The following CLEC10A variants were observed in gnomAD, a reference collection of about 807,000 sequenced individuals.
CLEC10A encodes the protein C-type lectin domain family 10 member A.
In CLEC10A, 38 loss-of-function variants were observed where a neutral mutation model predicts 42.0. The ratio of observed to expected loss-of-function variants is 0.90; its 90% CI spans 0.70 to 1.18. The LOEUF is 1.18. Among genes scored for constraint, CLEC10A ranks in the 50% most tolerant of loss-of-function variants. The pLI is 0.00. For synonymous variants in CLEC10A, 126 were observed against 139.9 expected, an observed-to-expected ratio of 0.90 and a Z score of 0.70; for missense variants, 298 against 345.9, an observed-to-expected ratio of 0.86 and a Z score of 1.10.
rs1471199418 is a variant in CLEC10A, at chr17:7,075,384, C to A, written c.677G>T (p.Gly226Val). Residue 226 changes from glycine to valine, a missense_variant, in exon 8 of 9, where the codon GGA becomes GTA. By Grantham distance (109) the Gly-to-Val change is moderately radical. This residue lies in a region of CLEC10A where 267 missense variants were observed against 289.5 expected (regional missense o/e 0.92). Coordinates refer to ENST00000416562, the MANE Select transcript of CLEC10A (RefSeq NM_001330070.2). ...DPEGAWKWVD[G>V]TDYATGFQNW... Reference sequence around the variant, plus strand: ...CTGGAAGCCGGTCGCATAGTCTGTTCCATCCACCCACTTCCAGGCTCCTTC... The same window carrying A: ...CTGGAAGCCGGTCGCATAGTCTGTTACATCCACCCACTTCCAGGCTCCTTC... The A allele has an allele frequency of 6.6e-7, 1 of 1,520,130 alleles. No individual in the cohort carries two copies. The highest frequency in any genetic ancestry group is 8.8e-7 in the Non-Finnish European group (1 of 1,136,900). 94.2% of individuals were successfully genotyped at this position (1,520,130 alleles called of 1,614,324 possible). A position where few individuals can be genotyped will look rare whatever the true frequency, so the allele number is the denominator to read the frequency against.
intron 3 of CLEC10A, 131 bp downstream of exon 3, chr17:7,077,866 C>T (rs1911936880): frequency 2.8e-6 from 2 of 726,414 alleles, no homozygotes; most frequent in Non-Finnish European, 4.9e-6. Flanking sequence ...ACAGCTGCCC[C>T]CAACACTGTG....
Position 7,079,349 on chromosome 17 carries a change from G to A in CLEC10A, c.-73-464C>T, listed in dbSNP as rs567786046. On this transcript the variant is annotated intron_variant, in intron 1 of 8. Coordinates refer to ENST00000416562, the MANE Select transcript of CLEC10A (RefSeq NM_001330070.2). ...ATAAATCCCAGCACTTTGGGAGACC[G>A]AAGCAGACAGATCACTTTAGGTCAG... Among the ~76,000 whole-genome samples the A allele has an allele frequency of 6.6e-5, 10 of 152,274 alleles. 1 individual carries two copies. The highest frequency in any genetic ancestry group is 2.0e-4 in the Admixed American group (3 of 15,298).
intron 3 of CLEC10A, 47 bp downstream of exon 3, chr17:7,077,950 T>C: frequency 7.0e-7 from 1 of 1,427,148 alleles, no homozygotes. Context: ...TTATTTATCT[T>C]CTACCCCATT....
rs567478503 is a variant in CLEC10A, at chr17:7,076,608, G to C, written c.352+125C>G. The C allele has an allele frequency of 5.5e-6, 6 of 1,100,210 alleles. No individual in the cohort carries two copies. In the South Asian group the frequency reaches 7.5e-5, roughly 14 times the overall value. 68.2% of individuals were successfully genotyped at this position (1,100,210 alleles called of 1,614,324 possible). ...ATTACAGGCGTGAACCACTGCGCCCGGCCTGCATGCTGCCTTTCAAGCTGC... is the reference window on the plus strand; with the variant it reads ...ATTACAGGCGTGAACCACTGCGCCCCGCCTGCATGCTGCCTTTCAAGCTGC... On this transcript the variant is annotated intron_variant, in intron 5 of 8. Transcript: ENST00000416562.
At chr17:7,075,952 A>G (rs1911706173) in intron 6 of CLEC10A, 33 bp downstream of exon 6, 1 of 1,613,112 alleles carries the variant, frequency 6.2e-7, no homozygotes, top group African/African-American at 1.3e-5. Context: ...TGGGCAGAAA[A>G]GTAGGGCCAG....
Position 7,075,083 on chromosome 17 carries a change from G to A in CLEC10A, c.841C>T (p.Leu281=), listed in dbSNP as rs758573050. 1 of 1,592,940 alleles carries A rather than the reference G, an allele frequency of 6.3e-7. No individual in the cohort carries two copies. Among genetic ancestry groups the A allele is most frequent in the Admixed American group, 1.9e-5 (1 of 53,274 alleles). Residue 281 remains leucine (L), a synonymous_variant, in exon 9 of 9, where the codon CTG becomes TTG. Coordinates refer to ENST00000416562, the MANE Select transcript of CLEC10A (RefSeq NM_001330070.2). ...RPYHWVCEAG[L]GQTSQESH ...TGACTCTCCTGGCTGGTCTGACCCA[G>A]GCCAGCCTCGCAGACCCAGTGGTAG...
intron 5 of CLEC10A, chr17:7,076,303 C>CTTTTTTTTT: frequency 2.0e-6 from 1 of 493,550 alleles, no homozygotes; most frequent in East Asian, 4.0e-5. Context: ...TTCTTTCTTT[C>CTTTTTTTTT]TTTCTTTTTT....
chr17:7,077,507 CCATCAATCACCCCATCAGT>C (rs1174708471), intron 3 of CLEC10A, among the ~76,000 whole-genome samples: 1 of 116,848 alleles, frequency 8.6e-6, no homozygotes. Flanking sequence ...ACCACCATTC[CCATCAATCACCCCATCAGT>C]GACCCCCCAC....
chr17:7,075,248 T>C, intron 8 of CLEC10A, 26 bp from the exon 9 acceptor site: 1 of 1,515,942 alleles, frequency 6.6e-7, no homozygotes, highest in South Asian at 1.3e-5. Context: ...AACAGCAAGC[T>C]AGGAAGGGTA....
In CLEC10A at chr17:7,078,116, G is replaced by T; in HGVS notation, c.68-3C>A. The T allele has an allele frequency of 1.9e-6, 3 of 1,605,478 alleles. No individual in the cohort carries two copies. Among genetic ancestry groups the T allele is most frequent in the Non-Finnish European group, 2.6e-6 (3 of 1,172,818 alleles). ...GAGGGACTGGAGAGGAAGTGGCCCT[G>T]CAAGAGGAGAGAGTGTCAGGATGAG... On this transcript the variant is annotated splice_polypyrimidine_tract_variant and splice_region_variant and intron_variant, in intron 2 of 8. Transcript: ENST00000416562.
At position 7,078,867 on chromosome 17, in the gene CLEC10A, C is replaced by T. The variant is rs750393119; in HGVS notation, c.-55G>A. The T allele has an allele frequency of 3.0e-5, 47 of 1,568,924 alleles. No homozygotes were observed. Among genetic ancestry groups the T allele is most frequent in the African/African-American group, 3.0e-4 (22 of 74,008 alleles). The stretch of plus-strand genomic sequence containing the variant: ...ACAGCTGAAATGGAGGCAGGGCCGG[C>T]GCCCAGTCTGGGGTGGAGCTGGGGA... On this transcript the variant is annotated 5_prime_UTR_variant, in exon 2 of 9. Coordinates refer to ENST00000416562, the MANE Select transcript of CLEC10A (RefSeq NM_001330070.2).
chr17:7,077,635 C>A (rs1343161513), intron 3 of CLEC10A, among the ~76,000 whole-genome samples: 1 of 130,224 alleles, frequency 7.7e-6, no homozygotes. Context: ...CATCAATGCC[C>A]CCCACCATTC....
At chr17:7,077,035 T>G in intron 3 of CLEC10A, 48 bp from the exon 4 acceptor site, 1 of 1,361,370 alleles carries the variant, frequency 7.3e-7, no homozygotes, top group Non-Finnish European at 1.1e-6. Context: ...TCAGGTCCTC[T>G]GTACCAGCAC....
intron 3 of CLEC10A, among the ~76,000 whole-genome samples, chr17:7,077,422 T>TCC (rs1567745665): frequency 1.8e-5 from 1 of 54,690 alleles, no homozygotes; most frequent in African/African-American, 8.2e-5. Flanking sequence ...CCATCAGTGC[T>TCC]CCCATCACCA....
In CLEC10A at chr17:7,075,828, T is replaced by TAGC; in HGVS notation, c.494_496dup (p.Cys165dup). The TAGC allele has an allele frequency of 1.9e-6, 3 of 1,614,150 alleles. No homozygotes were observed. The highest frequency in any genetic ancestry group is 2.5e-6 in the Non-Finnish European group (3 of 1,179,992). ...GGACATCCCAGAGTGAGAGAACCAGTAGCAGCTGTCTTGGTGCTCCACCCA... is the reference window on the plus strand; with the variant it reads ...GGACATCCCAGAGTGAGAGAACCAGTAGCAGCAGCTGTCTTGGTGCTCCACCCA... On this transcript the variant is annotated inframe_insertion, in exon 7 of 9. Coordinates refer to ENST00000416562, the MANE Select transcript of CLEC10A (RefSeq NM_001330070.2).
rs1451284353 is a variant in CLEC10A, at chr17:7,074,887, C to T, written c.*167G>A. The T allele has an allele frequency of 4.3e-6, 2 of 468,614 alleles. No individual in the cohort carries two copies. Among genetic ancestry groups the T allele is most frequent in the Non-Finnish European group, 7.2e-6 (2 of 279,282 alleles). 29.0% of individuals were successfully genotyped at this position (468,614 alleles called of 1,614,324 possible). A position where few individuals can be genotyped will look rare whatever the true frequency, so the allele number is the denominator to read the frequency against. ...TGGAAAAAAAATAAAAGCTTAAGAA[C>T]ACTATACCATCTTTTTAAAATTAAA... On this transcript the variant is annotated 3_prime_UTR_variant, in exon 9 of 9. Coordinates refer to ENST00000416562, the MANE Select transcript of CLEC10A (RefSeq NM_001330070.2).
chr17:7,076,558 C>T (rs1911765043), intron 5 of CLEC10A, among the ~76,000 whole-genome samples, 175 bp downstream of exon 5: 1 of 151,868 alleles, frequency 6.6e-6, no homozygotes, highest in East Asian at 1.9e-4. Context: ...GTGATCCACC[C>T]GCCTCGGCCT....
At chr17:7,078,422 G>A (rs1911984245) in intron 2 of CLEC10A, 1 of 512,656 alleles carries the variant, frequency 2.0e-6, no homozygotes, top group African/African-American at 1.9e-5. Flanking sequence ...GCCCTTCATG[G>A]GCTTATGCTC....
At chr17:7,079,674 T>C (rs1236065335) in intron 1 of CLEC10A, among the ~76,000 whole-genome samples, 1 of 152,150 alleles carries the variant, frequency 6.6e-6, no homozygotes, top group African/African-American at 2.4e-5. Context: ...GGGCCACCAA[T>C]GAGGCTGAGT....
Sources: allele counts gnomAD v4.1 joint callset (sites outside exome capture counted in the v4.1 genomes callset), GRCh38; gene constraint gnomAD v4.1.1; regional missense constraint gnomAD v4.1.1; transcripts MANE v1.5; gene names NCBI Gene and HGNC (gene_info 2026-07-23, HGNC 2026-07-21).